Variants in NRIP1 observed in about 807,000 individuals in gnomAD.
NRIP1 encodes the protein nuclear receptor-interacting protein 1.
NRIP1 carries 28 observed loss-of-function variants against 75.0 expected under a neutral mutation model. The observed-to-expected ratio is 0.37, with a 90% CI of 0.28 to 0.51. The LOEUF is 0.51. Ranked by LOEUF, NRIP1 falls within the 20% of genes least tolerant of loss-of-function variation. NRIP1 has a pLI of 0.92. For synonymous variants in NRIP1, 526 were observed against 487.6 expected, an observed-to-expected ratio of 1.08 and a Z score of -1.04; for missense variants, 1,435 against 1,343.7, an observed-to-expected ratio of 1.07 and a Z score of -1.06.
intron 2 of NRIP1, among the ~76,000 whole-genome samples, chr21:15,040,153 A>C (rs768207915): frequency 2.6e-5 from 4 of 152,248 alleles, no homozygotes; most frequent in Non-Finnish European, 4.4e-5. Flanking sequence ...GAATTCAGAG[A>C]GCTGTGCGTC....
chr21:15,032,230 G>T (rs1405989097), intron 2 of NRIP1, among the ~76,000 whole-genome samples: 1 of 152,146 alleles, frequency 6.6e-6, no homozygotes, highest in African/African-American at 2.4e-5. Flanking sequence ...TCCAAAACAA[G>T]AACTCTTCAA....
At chr21:15,022,112 T>C (rs2088391541) in intron 2 of NRIP1, among the ~76,000 whole-genome samples, 2 of 152,164 alleles carry the variant, frequency 1.3e-5, no homozygotes, top group African/African-American at 4.8e-5. Context: ...TGCAGCACTA[T>C]TCACAACAGC....
intron 2 of NRIP1, among the ~76,000 whole-genome samples, chr21:15,040,701 T>C (rs1321641250): frequency 1.3e-5 from 2 of 152,138 alleles, no homozygotes; most frequent in African/African-American, 4.8e-5. Context: ...GGATATTGTG[T>C]CCTAGTTTCA....
At chr21:15,014,773 AAATT>A (rs562229272) in intron 2 of NRIP1, among the ~76,000 whole-genome samples, 14 of 152,096 alleles carry the variant, frequency 9.2e-5, no homozygotes, top group African/African-American at 1.9e-4. Context: ...GTGCTGTGCT[AAATT>A]AATTAATTTA....
chr21:14,992,805 T>G (rs967962398), intron 3 of NRIP1: 2 of 152,236 alleles, frequency 1.3e-5, no homozygotes, highest in Non-Finnish European at 2.9e-5. Context: ...GAACTGGCTG[T>G]CCCATATGTT....
chr21:14,986,488 A>G (rs1315426467), intron 3 of NRIP1, among the ~76,000 whole-genome samples: 1 of 152,220 alleles, frequency 6.6e-6, no homozygotes, highest in Non-Finnish European at 1.5e-5. Flanking sequence ...AAAGAGTTTC[A>G]GATCCACTCT....
At chr21:14,976,450 T>C (rs1159284285) in intron 3 of NRIP1, among the ~76,000 whole-genome samples, 1 of 152,158 alleles carries the variant, frequency 6.6e-6, no homozygotes, top group Non-Finnish European at 1.5e-5. Flanking sequence ...TTTACTTTTT[T>C]TTATAAGTAT....
chr21:15,055,931 G>A (rs1446788067), intron 1 of NRIP1, among the ~76,000 whole-genome samples: 1 of 150,296 alleles, frequency 6.7e-6, no homozygotes, highest in Non-Finnish European at 1.5e-5. Flanking sequence ...TGGATCCCCT[G>A]GCAATTAAAA....
At chr21:15,016,698 C>G (rs1211574297) in intron 2 of NRIP1, among the ~76,000 whole-genome samples, 1 of 152,030 alleles carries the variant, frequency 6.6e-6, no homozygotes, top group African/African-American at 2.4e-5. Context: ...TCCTGGCTAA[C>G]AAGGTAAAAC....
chr21:14,999,136 CTAGT>C lies in NRIP1; in HGVS notation c.-335+15204_-335+15207del, dbSNP rs762117365. Reference sequence around the variant, plus strand: ...CCTCTCGCCTCAACCTCCCAAGTAGCTAGTTAATTTTTTAATTTTTAGTAGCGAT... The same window carrying C: ...CCTCTCGCCTCAACCTCCCAAGTAGCTAATTTTTTAATTTTTAGTAGCGAT... On this transcript the variant is annotated intron_variant, in intron 3 of 3. Transcript: ENST00000318948. Among the ~76,000 whole-genome samples, 21 of 152,174 alleles carry C rather than the reference CTAGT, an allele frequency of 1.4e-4. No individual in the cohort carries two copies. In the East Asian group the frequency reaches 3.9e-3, roughly 28 times the overall value.
intron 3 of NRIP1, among the ~76,000 whole-genome samples, chr21:14,996,620 A>T (rs2087733345): frequency 6.6e-6 from 1 of 152,058 alleles, no homozygotes; most frequent in African/African-American, 2.4e-5. Flanking sequence ...TTGCTTTTCA[A>T]ATATTTGTTT....
rs146548847 is a variant in NRIP1, at chr21:15,061,727, G to A, written c.-538+3018C>T. ...AACAACAGTTAGAACATGAGCTTTT[G>A]AGTTTCTTACATTCTTTACGTTTTA... On this transcript the variant is annotated intron_variant, in intron 1 of 3. Coordinates refer to ENST00000318948, the MANE Select transcript of NRIP1 (RefSeq NM_003489.4). Among the ~76,000 whole-genome samples the A allele has an allele frequency of 8.0e-4, 122 of 152,250 alleles. 1 individual carries two copies. The highest frequency in any genetic ancestry group is 2.9e-3 in the African/African-American group (120 of 41,552).
chr21:14,987,570 G>T (rs2087441889), intron 3 of NRIP1, among the ~76,000 whole-genome samples: 2 of 152,168 alleles, frequency 1.3e-5, no homozygotes, highest in South Asian at 4.1e-4. Flanking sequence ...AATGTTCCTG[G>T]GGCCAGTCTG....
chr21:14,978,014 A>T (rs1421051354), intron 3 of NRIP1, among the ~76,000 whole-genome samples: 1 of 152,180 alleles, frequency 6.6e-6, no homozygotes, highest in Non-Finnish European at 1.5e-5. Context: ...GCTGCTCTCC[A>T]CTGCAACCTG....
intron 2 of NRIP1, among the ~76,000 whole-genome samples, chr21:15,042,487 C>T (rs963929397): frequency 6.6e-6 from 1 of 152,182 alleles, no homozygotes; most frequent in Non-Finnish European, 1.5e-5. Flanking sequence ...AATGTTGTGT[C>T]TCCCCAAAAT....
chr21:14,975,617 C>T (rs1393484782), intron 3 of NRIP1, among the ~76,000 whole-genome samples: 1 of 61,958 alleles, frequency 1.6e-5, no homozygotes, highest in African/African-American at 7.5e-5. Context: ...GAATAAGACA[C>T]TATTTCTTTA....
intron 3 of NRIP1, among the ~76,000 whole-genome samples, chr21:14,991,528 G>C (rs1014518097): frequency 6.6e-6 from 1 of 151,750 alleles, no homozygotes; most frequent in Non-Finnish European, 1.5e-5. Context: ...GCTCTATCTT[G>C]TAGGACTGAT....
At chr21:15,023,666 G>A (rs1010010108) in intron 2 of NRIP1, among the ~76,000 whole-genome samples, 1 of 152,122 alleles carries the variant, frequency 6.6e-6, no homozygotes, top group Non-Finnish European at 1.5e-5. Flanking sequence ...TTAATGCAAT[G>A]CCTATCAAAA....
At chr21:14,979,126 CAAAT>C (rs1327463321) in intron 3 of NRIP1, among the ~76,000 whole-genome samples, 1 of 152,038 alleles carries the variant, frequency 6.6e-6, no homozygotes, top group Non-Finnish European at 1.5e-5. Flanking sequence ...TAATCATTAA[CAAAT>C]TATTTTGGCA....
Sources: allele counts gnomAD v4.1 joint callset (sites outside exome capture counted in the v4.1 genomes callset), GRCh38; gene constraint gnomAD v4.1.1; transcripts MANE v1.5; gene names NCBI Gene and HGNC (gene_info 2026-07-23, HGNC 2026-07-21).